Variants in CDH4 observed in about 807,000 individuals in gnomAD.
CDH4 encodes cadherin 4, also known as cadherin-4.
CDH4 carries 33 observed loss-of-function variants against 86.0 expected under a neutral mutation model. The observed-to-expected ratio is 0.38, with a 90% CI of 0.29 to 0.51. The LOEUF (loss-of-function observed/expected upper bound fraction) is 0.51, where lower values mean the gene tolerates loss of function less well. CDH4 is among the 20% of genes least tolerant of loss of function. CDH4 has a pLI of 0.86. For synonymous variants in CDH4, 555 were observed against 549.4 expected (o/e 1.01, Z -0.14); for missense variants, 1,114 against 1,307.4 (o/e 0.85, Z 2.28).
chr20:61,273,754 G>C (rs2084202545), intron 2 of CDH4, among the ~76,000 whole-genome samples: 2 of 149,892 alleles, frequency 1.3e-5, no homozygotes, highest in Admixed American at 1.3e-4. Context: ...GGCAGTTTGG[G>C]GGAGTACTGT....
At chr20:61,719,034 G>A (rs1441059493) in intron 2 of CDH4, 1 of 471,138 alleles carries the variant, frequency 2.1e-6, no homozygotes, top group Non-Finnish European at 4.4e-6. Flanking sequence ...TGTGATGAGA[G>A]AAGGACCCTC....
At chr20:61,692,395 G>T (rs1418190643) in intron 2 of CDH4, among the ~76,000 whole-genome samples, 5 of 152,158 alleles carry the variant, frequency 3.3e-5, no homozygotes, top group Non-Finnish European at 5.9e-5. Context: ...TATTTCCAAA[G>T]GCATCAAGGT....
intron 2 of CDH4, among the ~76,000 whole-genome samples, chr20:61,649,073 G>A (rs1210899293): frequency 1.3e-5 from 2 of 152,200 alleles, no homozygotes; most frequent in Admixed American, 6.5e-5. Flanking sequence ...CATGGTTTTA[G>A]CTCTGCCTTC....
In CDH4 at chr20:61,912,204, G is replaced by C. The variant is rs528016429; in HGVS notation, c.1374+1597G>C. 3.9e-5 allele frequency among the ~76,000 whole-genome samples: 6 copies of C among 152,242 alleles called. No homozygotes were observed. In the South Asian group the frequency reaches 1.2e-3, roughly 32 times the overall value. ...CCAGAACACCTGTTCACATCTTCTG[G>C]GGCAGAGTTTAGTCACATGGCCATT... On this transcript the variant is annotated intron_variant, in intron 9 of 15. Transcript: ENST00000614565.
intron 2 of CDH4, among the ~76,000 whole-genome samples, chr20:61,331,645 C>G (rs1568801171): frequency 1.2e-3 from 79 of 64,030 alleles, no homozygotes; most frequent in East Asian, 2.6e-3. Context: ...AGACCCACCT[C>G]CCGCCCCAGC....
intron 2 of CDH4, among the ~76,000 whole-genome samples, chr20:61,592,537 C>G (rs1262139238): frequency 6.6e-6 from 1 of 152,158 alleles, no homozygotes; most frequent in Non-Finnish European, 1.5e-5. Flanking sequence ...TGTGCAGCCA[C>G]CACCACAATC....
chr20:61,627,336 C>T (rs529420339), intron 2 of CDH4, among the ~76,000 whole-genome samples: 1 of 152,270 alleles, frequency 6.6e-6, no homozygotes, highest in South Asian at 2.1e-4. Flanking sequence ...GCTTCAGGCC[C>T]GTGGGACAGC....
At chr20:61,644,366 G>A (rs983623798) in intron 2 of CDH4, among the ~76,000 whole-genome samples, 2 of 152,238 alleles carry the variant, frequency 1.3e-5, no homozygotes, top group African/African-American at 4.8e-5. Context: ...GCTGCGCAGA[G>A]CCCTTCGAGG....
rs1453448750 is a variant in CDH4 at position 61,516,101 on chromosome 20, C to G, written c.170-227462C>G. Among the ~76,000 whole-genome samples the G allele has an allele frequency of 6.6e-6, 1 of 152,192 alleles. No homozygotes were observed. Among genetic ancestry groups the G allele is most frequent in the African/African-American group, 2.4e-5 (1 of 41,440 alleles). On this transcript the variant is annotated intron_variant, in intron 2 of 15. Transcript: ENST00000614565. This position sits in a 1 kb window ranked among gnomAD's most constrained non-coding sequence, Gnocchi z 4.0. ...TCACCACAGGGGCTCGCCTCGTGCTCTGCGTTGCACTGGCAGAGGGGCAGC... is the reference window on the plus strand; with the variant it reads ...TCACCACAGGGGCTCGCCTCGTGCTGTGCGTTGCACTGGCAGAGGGGCAGC...
intron 4 of CDH4, among the ~76,000 whole-genome samples, chr20:61,798,089 G>A (rs1373398924): frequency 6.6e-6 from 1 of 152,198 alleles, no homozygotes; most frequent in Non-Finnish European, 1.5e-5. Context: ...ACATCCATGA[G>A]CAGTTCCTTT....
chr20:61,876,925 A>G (rs1277228440), intron 7 of CDH4, among the ~76,000 whole-genome samples: 1 of 152,194 alleles, frequency 6.6e-6, no homozygotes, highest in African/African-American at 2.4e-5. Context: ...TATCTAGGCA[A>G]CATCTGTGGA....
At chr20:61,329,888 T>G (rs2084562722) in intron 2 of CDH4, among the ~76,000 whole-genome samples, 1 of 19,646 alleles carries the variant, frequency 5.1e-5, no homozygotes, top group African/African-American at 1.8e-4. Flanking sequence ...GTTGTTCCCC[T>G]CCCTGTGAGT....
intron 2 of CDH4, among the ~76,000 whole-genome samples, chr20:61,507,815 A>T (rs1295541049): frequency 1.3e-5 from 2 of 152,216 alleles, no homozygotes; most frequent in African/African-American, 2.4e-5. Context: ...ACTTATTCTA[A>T]CAAGTGTTCC....
intron 3 of CDH4, among the ~76,000 whole-genome samples, chr20:61,768,210 C>A (rs1198577810): frequency 3.3e-5 from 5 of 152,304 alleles, no homozygotes; most frequent in Non-Finnish European, 7.4e-5. Flanking sequence ...CACAGACACA[C>A]AAACACACAT....
At chr20:61,493,942 A>T (rs938478579) in intron 2 of CDH4, among the ~76,000 whole-genome samples, 2 of 152,068 alleles carry the variant, frequency 1.3e-5, no homozygotes, top group East Asian at 1.9e-4. Context: ...AGTGTCCCCC[A>T]CAAACCTCCC....
intron 9 of CDH4, among the ~76,000 whole-genome samples, chr20:61,911,256 G>A (rs1372464255): frequency 3.9e-5 from 6 of 152,162 alleles, no homozygotes; most frequent in African/African-American, 1.4e-4. Flanking sequence ...CAATTTCTTT[G>A]ATGGTTTTGG....
chr20:61,866,935 C>T lies in CDH4; in HGVS notation c.878-6793C>T, dbSNP rs188243058. Reference sequence around the variant, plus strand: ...AGAGAGTGGGATCCTGAGCCACCTCCCAAAGAGGGGCCTCCCAAAGAGGGG... The same window carrying T: ...AGAGAGTGGGATCCTGAGCCACCTCTCAAAGAGGGGCCTCCCAAAGAGGGG... On this transcript the variant is annotated intron_variant, in intron 6 of 15. Coordinates refer to ENST00000614565, the MANE Select transcript of CDH4 (RefSeq NM_001794.5). Among the ~76,000 whole-genome samples, 16 of 152,308 alleles carry T rather than the reference C, an allele frequency of 1.1e-4. No homozygotes were observed. The East Asian group carries it at 3.1e-3, about 29-fold the overall frequency.
chr20:61,629,392 TAAAAA>T (rs11475967), intron 2 of CDH4, among the ~76,000 whole-genome samples: 1 of 149,624 alleles, frequency 6.7e-6, no homozygotes, highest in Admixed American at 6.6e-5. Flanking sequence ...AGAAATGAAA[TAAAAA>T]AAAAAATAAT....
intron 2 of CDH4, among the ~76,000 whole-genome samples, chr20:61,474,327 AT>A (rs1170158714): frequency 0.037 from 4,623 of 124,338 alleles, 159 homozygotes; most frequent in African/African-American, 0.1. Flanking sequence ...CACCCAGCTA[AT>A]TTTTTTTTTT....
Sources: gnomAD v4.1 joint callset for allele counts (sites outside exome capture counted in the v4.1 genomes callset) on GRCh38, gnomAD v4.1.1 for gene constraint, Gnocchi (gnomAD v3.1) non-coding constraint, MANE v1.5 for transcripts, NCBI Gene and HGNC (gene_info 2026-07-23, HGNC 2026-07-21) for gene names.